Variants in DLC1 observed in about 807,000 individuals in gnomAD.
DLC1 encodes DLC1 Rho GTPase activating protein.
In DLC1, 54 loss-of-function variants were observed where a neutral mutation model predicts 140.3. The ratio of observed to expected loss-of-function variants is 0.38; its 90% confidence interval spans 0.31 to 0.48. DLC1 has a LOEUF of 0.48. Ranked by LOEUF, DLC1 falls within the 20% of genes least tolerant of loss-of-function variation. The pLI is 0.96. For missense variants in DLC1, 2,536 were observed against 1,907.0 expected, an observed-to-expected ratio of 1.33 and a Z score of -6.14; for synonymous variants, 986 against 728.1, an observed-to-expected ratio of 1.35 and a Z score of -5.70.
chr8:13,170,688 C>G (rs1163184171), intron 5 of DLC1, among the ~76,000 whole-genome samples: 2 of 148,876 alleles, frequency 1.3e-5, no homozygotes, highest in African/African-American at 2.5e-5. Flanking sequence ...CGAGATCGCG[C>G]CACTGCACTC....
At chr8:13,603,175 C>G (rs943174726) in intron 1 of DLC1, among the ~76,000 whole-genome samples, 5 of 151,746 alleles carry the variant, frequency 3.3e-5, no homozygotes, top group African/African-American at 1.2e-4. Flanking sequence ...ATAATGCTGG[C>G]TTTTACTGTC....
intron 5 of DLC1, among the ~76,000 whole-genome samples, chr8:13,199,184 T>A (rs908255558): frequency 7.4e-6 from 1 of 135,958 alleles, no homozygotes; most frequent in Non-Finnish European, 1.6e-5. Flanking sequence ...TTTCTTTTTT[T>A]TTTTTTTTTT....
At chr8:13,262,598 C>T (rs1280408992) in intron 5 of DLC1, among the ~76,000 whole-genome samples, 2 of 152,122 alleles carry the variant, frequency 1.3e-5, no homozygotes, top group Admixed American at 1.3e-4. Flanking sequence ...CTTGTCCTGG[C>T]ACTCAGGCAG....
At chr8:13,268,857 A>G (rs1586041203) in intron 5 of DLC1, among the ~76,000 whole-genome samples, 2 of 143,996 alleles carry the variant, frequency 1.4e-5, no homozygotes, top group Admixed American at 7.0e-5. Flanking sequence ...TACCCCTCCC[A>G]TCTGTGCTTC....
chr8:13,256,251 C>T (rs193121701), intron 5 of DLC1, among the ~76,000 whole-genome samples: 34 of 152,298 alleles, frequency 2.2e-4, no homozygotes, highest in Middle Eastern at 3.4e-3. Context: ...AGCTTTCAAA[C>T]TTTCTAGGAA....
intron 1 of DLC1, among the ~76,000 whole-genome samples, chr8:13,529,526 C>T (rs1362006875): frequency 6.6e-6 from 1 of 152,046 alleles, no homozygotes; most frequent in South Asian, 2.1e-4. Context: ...ACACTTAATT[C>T]GTACCTCTAT....
At chr8:13,333,658 GC>G (rs1397752888) in intron 4 of DLC1, among the ~76,000 whole-genome samples, 2 of 152,006 alleles carry the variant, frequency 1.3e-5, no homozygotes, top group African/African-American at 4.8e-5. Flanking sequence ...GTTCTCACCC[GC>G]CCCCTTATTT....
chr8:13,348,419 A>G (rs1353933354), intron 4 of DLC1, among the ~76,000 whole-genome samples: 1 of 152,188 alleles, frequency 6.6e-6, no homozygotes, highest in African/African-American at 2.4e-5. Context: ...TCCTACTGAA[A>G]TTTAAACATG....
Position 13,376,648 on chromosome 8 carries a change from AG to A in DLC1, c.1314+16904del, listed in dbSNP as rs375718673. Among the ~76,000 whole-genome samples the A allele has an allele frequency of 2.0e-5, 3 of 152,296 alleles. No homozygotes were observed. In the East Asian group the frequency reaches 5.8e-4, roughly 29 times the overall value. On this transcript the variant is annotated intron_variant, in intron 4 of 17. Transcript: ENST00000276297. ...GATTTTTTGGATTTATAAGTAGCAA[AG>A]GGGGAGTTGAAATTTAGAATTATCA...
rs1837294567 is a variant in DLC1, at chr8:13,401,504, G to T, written c.1139C>A (p.Ser380Ter). 1 of 1,612,746 alleles carries T rather than the reference G, an allele frequency of 6.2e-7. No homozygotes were observed. Among genetic ancestry groups the T allele is most frequent in the Admixed American group, 1.7e-5 (1 of 59,982 alleles). Residue 380 changes from serine to a stop codon, truncating the protein, a stop_gained, in exon 3 of 18, where the codon TCA becomes TAA. Coordinates refer to ENST00000276297, the MANE Select transcript of DLC1 (RefSeq NM_182643.3). LOFTEE classifies it high-confidence loss of function. ...CCGCCGCAGGTTTGTTGGTGTGCCT[G>T]ATGGAGAGGAGCTGGTGCTGAGGGC... The part of the protein sequence containing the change: ...ENALSTSSSP[S>*]GTPTNLRRHV...
chr8:13,369,525 T>G (rs979447476), intron 4 of DLC1, among the ~76,000 whole-genome samples: 5 of 152,180 alleles, frequency 3.3e-5, no homozygotes, highest in African/African-American at 7.2e-5. Context: ...CAATTCAGTT[T>G]CCTTTGATGA....
intron 5 of DLC1, among the ~76,000 whole-genome samples, chr8:13,254,033 A>G (rs563356710): frequency 1.5e-4 from 23 of 152,252 alleles, no homozygotes; most frequent in African/African-American, 5.1e-4. Flanking sequence ...TGAAGACATA[A>G]CAGCTTAGGG....
In DLC1 at chr8:13,366,129, C is replaced by T. The variant is rs6993731; in HGVS notation, c.1314+27424G>A. Reference sequence around the variant, plus strand: ...TTATAGACTCGAAGAGAAGCCTCTACGGCTCGTCCAGCTAGCTGTTTAACA... The same window carrying T: ...TTATAGACTCGAAGAGAAGCCTCTATGGCTCGTCCAGCTAGCTGTTTAACA... On this transcript the variant is annotated intron_variant, in intron 4 of 17. Transcript: ENST00000276297. Among the ~76,000 whole-genome samples, 487 of 152,322 alleles carry T rather than the reference C, an allele frequency of 3.2e-3. 3 individuals are homozygous for T. Among genetic ancestry groups the T allele is most frequent in the African/African-American group, 0.011 (467 of 41,574 alleles).
At chr8:13,567,451 T>C (rs1439121348) in intron 1 of DLC1, 7 of 1,551,926 alleles carry the variant, frequency 4.5e-6, no homozygotes, top group Admixed American at 3.9e-5. Context: ...GCATCTTGGA[T>C]TGGATGTAGA....
At chr8:13,490,485 C>G (rs778679117) in intron 2 of DLC1, among the ~76,000 whole-genome samples, 99 of 152,114 alleles carry the variant, frequency 6.5e-4, no homozygotes, top group Admixed American at 1.3e-3. Context: ...GCCAGAAAAA[C>G]AGATCCTGTT....
intron 5 of DLC1, among the ~76,000 whole-genome samples, chr8:13,240,903 A>G (rs1368767919): frequency 2.0e-5 from 3 of 152,180 alleles, no homozygotes; most frequent in Non-Finnish European, 4.4e-5. Flanking sequence ...GTATTAAACT[A>G]TGAATAGTGT....
chr8:13,119,220 C>G (rs535100164), intron 5 of DLC1, among the ~76,000 whole-genome samples: 116 of 125,714 alleles, frequency 9.2e-4, no homozygotes, highest in African/African-American at 3.2e-3. Flanking sequence ...AGGGCAAGAC[C>G]CTGTCTAAAA....
chr8:13,311,057 C>T lies in DLC1; in HGVS notation c.1315-5755G>A, dbSNP rs1305377271. On this transcript the variant is annotated intron_variant, in intron 4 of 17. Transcript: ENST00000276297. ...GGTTTGATTTGTGGGTTGTATTACTCATAATACACACTAGGATACATAATT... is the reference window on the plus strand; with the variant it reads ...GGTTTGATTTGTGGGTTGTATTACTTATAATACACACTAGGATACATAATT... 2.6e-5 allele frequency among the ~76,000 whole-genome samples: 4 copies of T among 152,118 alleles called. No individual in the cohort carries two copies. The South Asian group carries it at 6.2e-4, about 24-fold the overall frequency.
At chr8:13,180,210 G>A (rs1224093345) in intron 5 of DLC1, among the ~76,000 whole-genome samples, 2 of 152,068 alleles carry the variant, frequency 1.3e-5, no homozygotes, top group African/African-American at 4.8e-5. Context: ...TCCCTGCCTG[G>A]CCCTTCCATT....
Sources: allele counts gnomAD v4.1 joint callset (sites outside exome capture counted in the v4.1 genomes callset), GRCh38; gene constraint gnomAD v4.1.1; transcripts MANE v1.5; gene names NCBI Gene and HGNC (gene_info 2026-07-23, HGNC 2026-07-21).